TACC2: variants seen among roughly 807,000 people sequenced by gnomAD.
The protein encoded by TACC2 is transforming acidic coiled-coil-containing protein 2.
TACC2 carries 137 observed loss-of-function variants against 227.3 expected under a neutral mutation model. The ratio of observed to expected loss-of-function variants is 0.60; its 90% CI spans 0.52 to 0.69. The LOEUF is 0.69. Ranked by LOEUF, TACC2 falls within the 30% of genes least tolerant of loss-of-function variation. The probability of loss-of-function intolerance (pLI) is 0.00; values close to 1 mark genes in which losing one functional copy is unlikely to be tolerated. For synonymous variants in TACC2, 1,523 were observed against 1,487.5 expected (o/e 1.02, Z -0.55); for missense variants, 3,470 against 3,694.4 (o/e 0.94, Z 1.57).
chr10:122,061,211 T>C (rs967238982), intron 3 of TACC2, among the ~76,000 whole-genome samples: 5 of 134,870 alleles, frequency 3.7e-5, no homozygotes, highest in African/African-American at 1.1e-4. Context: ...CTTGGGAGGC[T>C]GAGGCAGCAG....
intron 2 of TACC2, among the ~76,000 whole-genome samples, chr10:122,031,687 G>A (rs571104812): frequency 2.5e-4 from 38 of 151,724 alleles, no homozygotes; most frequent in African/African-American, 7.0e-4. Context: ...ACAGGCGTGA[G>A]CCACCACGCC....
intron 7 of TACC2, among the ~76,000 whole-genome samples, chr10:122,169,536 TAG>T (rs1441894923): frequency 1.3e-5 from 2 of 152,220 alleles, no homozygotes; most frequent in African/African-American, 4.8e-5. Context: ...CATGTTCCAG[TAG>T]AGTTTTAGTT....
At chr10:122,228,844 G>A (rs193183592) in intron 14 of TACC2, among the ~76,000 whole-genome samples, 1 of 152,136 alleles carries the variant, frequency 6.6e-6, no homozygotes, top group African/African-American at 2.4e-5. Context: ...TGAAGCACAC[G>A]TCCATGGTTC....
At chr10:122,075,029 G>A (rs1244228488) in intron 3 of TACC2, among the ~76,000 whole-genome samples, 1 of 152,046 alleles carries the variant, frequency 6.6e-6, no homozygotes, top group East Asian at 1.9e-4. Context: ...GGTTTGGGGA[G>A]CTAATTAATC....
chr10:122,093,577 T>A (rs2081062638), intron 5 of TACC2, among the ~76,000 whole-genome samples: 1 of 152,210 alleles, frequency 6.6e-6, no homozygotes, highest in Non-Finnish European at 1.5e-5. Context: ...CTTGGTAATG[T>A]CACTTACAGC....
intron 1 of TACC2, among the ~76,000 whole-genome samples, chr10:122,021,652 G>A (rs921063302): frequency 2.6e-5 from 4 of 152,134 alleles, no homozygotes; most frequent in Non-Finnish European, 4.4e-5. Flanking sequence ...GTATATATAC[G>A]TATATGTGTA....
chr10:122,219,925 C>G lies in TACC2; in HGVS notation c.7546+3097C>G, dbSNP rs192900185. 1.3e-3 allele frequency among the ~76,000 whole-genome samples: 199 copies of G among 151,878 alleles called. 1 individual carries two copies. Among genetic ancestry groups the G allele is most frequent in the African/African-American group, 4.7e-3 (196 of 41,392 alleles). The stretch of plus-strand genomic sequence containing the variant: ...TGGTGGTGGGCACCTGTAATCCCAG[C>G]TACTAGGGAGGCTGAGGCAGGAGAA... On this transcript the variant is annotated intron_variant, in intron 11 of 22. Transcript: ENST00000369005.
chr10:122,094,467 T>C (rs2081160952), intron 5 of TACC2, among the ~76,000 whole-genome samples: 1 of 152,144 alleles, frequency 6.6e-6, no homozygotes, highest in Admixed American at 6.5e-5. Flanking sequence ...TTTGTAGAGA[T>C]GGCGTCTCAC....
rs564825079 is a variant in TACC2 at position 122,229,250 on chromosome 10, G to A, written c.7897-96G>A. On this transcript the variant is annotated intron_variant, in intron 14 of 22. Coordinates refer to ENST00000369005, the MANE Select transcript of TACC2 (RefSeq NM_206862.4). ...CTCTCTTTAGCCTCAAGGCAAAAAT[G>A]TCCAGCAAATGGCTGCATGGCCCTT... 3.1e-5 allele frequency: 45 copies of A among 1,470,280 alleles called. No homozygotes were observed. The African/African-American group carries it at 5.5e-4, about 18-fold the overall frequency. The allele number at this position is 1,470,280 out of a possible 1,614,324, so 91.1% of individuals were successfully genotyped here. A position where few individuals can be genotyped will look rare whatever the true frequency, so the allele number is the denominator to read the frequency against.
chr10:122,244,300 T>C (rs1335962678), intron 19 of TACC2, among the ~76,000 whole-genome samples: 1 of 152,218 alleles, frequency 6.6e-6, no homozygotes, highest in African/African-American at 2.4e-5. Context: ...ACTCCTCCAG[T>C]GTCCCTGGCT....
intron 11 of TACC2, 103 bp from the exon 12 acceptor site, chr10:122,224,623 T>G: frequency 1.0e-6 from 1 of 982,422 alleles, no homozygotes; most frequent in Non-Finnish European, 1.6e-6. Flanking sequence ...CAGAGCCTTG[T>G]GATAGCTCCC....
rs2080185728 is a variant in TACC2, at chr10:122,087,225, T to C, written c.4725T>C (p.Ala1575=). ...AGGAGCTCCCTGTGGAGAGAGCTGC[T>C]GCCTTCCAGGTGGCTCCCCATAGCC... The part of the protein sequence containing the change: ...ATQELPVERA[A]AFQVAPHSHG... Residue 1575 remains alanine, a synonymous_variant, in exon 4 of 23, where the codon GCT becomes GCC. Transcript: ENST00000369005. The C allele has an allele frequency of 2.5e-6, 4 of 1,613,324 alleles. No individual in the cohort carries two copies. The highest frequency in any genetic ancestry group is 1.7e-4 in the Middle Eastern group (1 of 6,058).
At chr10:122,007,092 C>A (rs1284888778) in intron 1 of TACC2, among the ~76,000 whole-genome samples, 1 of 152,048 alleles carries the variant, frequency 6.6e-6, no homozygotes, top group Non-Finnish European at 1.5e-5. Context: ...AAACTCCCGA[C>A]CTTAGGTGAT....
chr10:122,220,770 G>T (rs1214710781), intron 11 of TACC2, among the ~76,000 whole-genome samples: 1 of 152,192 alleles, frequency 6.6e-6, no homozygotes, highest in Non-Finnish European at 1.5e-5. Flanking sequence ...ATTGGGTGAG[G>T]ACTTACTTTG....
Position 122,249,171 on chromosome 10 carries a change from C to T in TACC2, c.8660+15C>T, listed in dbSNP as rs1159385015. The T allele has an allele frequency of 6.3e-7, 1 of 1,591,026 alleles. No individual in the cohort carries two copies. The highest frequency in any genetic ancestry group is 1.3e-5 in the African/African-American group (1 of 74,718). ...AAACTGGACAGGTAACATTTAGCCA[C>T]TGGGGGTGGCTCCCAGGGGCCTCCC... On this transcript the variant is annotated intron_variant, in intron 21 of 22. Transcript: ENST00000369005.
intron 2 of TACC2, among the ~76,000 whole-genome samples, chr10:122,044,979 G>A (rs1426563729): frequency 6.6e-6 from 1 of 152,068 alleles, no homozygotes; most frequent in Non-Finnish European, 1.5e-5. Context: ...AGTGACGCCT[G>A]CTGACACACA....
At chr10:122,248,890 T>C (rs775534412) in intron 20 of TACC2, 87 bp downstream of exon 20, 176 of 1,581,920 alleles carry the variant, frequency 1.1e-4, no homozygotes, top group Non-Finnish European at 1.4e-4. Flanking sequence ...ATTCCAGAAG[T>C]TGGTCTTGAG....
At chr10:122,124,078 C>G (rs1178651139) in intron 5 of TACC2, among the ~76,000 whole-genome samples, 1 of 152,166 alleles carries the variant, frequency 6.6e-6, no homozygotes, top group Non-Finnish European at 1.5e-5. Context: ...TCCCAAAGTG[C>G]TGCGATTATA....
intron 6 of TACC2, among the ~76,000 whole-genome samples, chr10:122,142,143 G>A (rs749792272): frequency 3.9e-4 from 59 of 152,180 alleles, no homozygotes; most frequent in Non-Finnish European, 2.8e-4. Flanking sequence ...TTGTTCCCCC[G>A]TGGATTGGTC....
Sources: allele counts gnomAD v4.1 joint callset (sites outside exome capture counted in the v4.1 genomes callset), GRCh38; gene constraint gnomAD v4.1.1; transcripts MANE v1.5; gene names NCBI Gene and HGNC (gene_info 2026-07-23, HGNC 2026-07-21).